CSMD1: variants seen among roughly 807,000 people sequenced by gnomAD.
The protein encoded by CSMD1 is CUB and sushi domain-containing protein 1.
In CSMD1, 213 loss-of-function variants were observed where a neutral mutation model predicts 417.5. The observed-to-expected ratio is 0.51, with a 90% CI of 0.46 to 0.57. The LOEUF (loss-of-function observed/expected upper bound fraction) is 0.57, where lower values mean the gene tolerates loss of function less well. CSMD1 is among the 20% of genes least tolerant of loss of function. The pLI, the probability that CSMD1 is intolerant of heterozygous loss-of-function variation, is 0.00. For synonymous variants in CSMD1, 2,862 were observed against 1,736.8 expected (o/e 1.65, Z -16.11); for missense variants, 6,923 against 4,529.7 (o/e 1.53, Z -15.17).
chr8:3,484,041 T>G (rs890236495), intron 11 of CSMD1, among the ~76,000 whole-genome samples: 4 of 152,190 alleles, frequency 2.6e-5, no homozygotes, highest in African/African-American at 9.6e-5. Context: ...CCCAGCAATG[T>G]TTTTATACAT....
At chr8:3,962,094 C>T (rs1812369610) in intron 5 of CSMD1, among the ~76,000 whole-genome samples, 2 of 152,314 alleles carry the variant, frequency 1.3e-5, no homozygotes, top group Middle Eastern at 3.4e-3. Context: ...TGAGCTTGGA[C>T]TCAGACCCAG....
At chr8:2,940,871 A>G (rs1408921904) in intron 69 of CSMD1, among the ~76,000 whole-genome samples, 1 of 152,206 alleles carries the variant, frequency 6.6e-6, no homozygotes, top group Non-Finnish European at 1.5e-5. Context: ...ATAAATTTGT[A>G]GGAATTGTAA....
intron 1 of CSMD1, among the ~76,000 whole-genome samples, chr8:4,865,848 G>T (rs1245744609): frequency 6.6e-6 from 1 of 151,492 alleles, no homozygotes. Flanking sequence ...ATGCATTTTG[G>T]GACCTATTTT....
At chr8:4,918,800 C>T (rs1245020274) in intron 1 of CSMD1, among the ~76,000 whole-genome samples, 1 of 152,062 alleles carries the variant, frequency 6.6e-6, no homozygotes, top group Non-Finnish European at 1.5e-5. Flanking sequence ...TATATAAACA[C>T]ACTTGTGAAT....
chr8:3,883,718 G>C (rs573841149), intron 5 of CSMD1, among the ~76,000 whole-genome samples: 1 of 152,034 alleles, frequency 6.6e-6, no homozygotes, highest in Admixed American at 6.6e-5. Context: ...ATGATTTATG[G>C]CTTGAAAGTG....
chr8:3,015,421 T>C (rs1490955040), intron 52 of CSMD1, among the ~76,000 whole-genome samples: 1 of 151,494 alleles, frequency 6.6e-6, no homozygotes. Flanking sequence ...GTTTTGGGGG[T>C]TGTTTTGTTT....
chr8:4,420,297 ATACT>A (rs1187930697), intron 2 of CSMD1, among the ~76,000 whole-genome samples: 3 of 152,138 alleles, frequency 2.0e-5, no homozygotes, highest in South Asian at 2.1e-4. Context: ...CTTCTTGAAA[ATACT>A]TACTTATATA....
At chr8:4,893,274 G>A (rs1804248188) in intron 1 of CSMD1, among the ~76,000 whole-genome samples, 2 of 152,026 alleles carry the variant, frequency 1.3e-5, no homozygotes, top group South Asian at 2.1e-4. Flanking sequence ...TCTAACTGAT[G>A]TTTTTCTTGA....
At chr8:4,050,237 A>T (rs1046298456) in intron 3 of CSMD1, among the ~76,000 whole-genome samples, 2 of 152,050 alleles carry the variant, frequency 1.3e-5, no homozygotes, top group African/African-American at 2.4e-5. Context: ...CTCCACTATA[A>T]ACTTCTGTAT....
chr8:3,899,230 A>C (rs141119708), intron 5 of CSMD1, among the ~76,000 whole-genome samples: 3,384 of 152,274 alleles, frequency 0.022, 65 homozygotes, highest in South Asian at 0.052. Context: ...AGAGCACAGG[A>C]AAGTTGGCAC....
At chr8:4,552,064 G>A (rs1203672993) in intron 2 of CSMD1, among the ~76,000 whole-genome samples, 1 of 152,116 alleles carries the variant, frequency 6.6e-6, no homozygotes, top group Non-Finnish European at 1.5e-5. Context: ...TCAAATTATT[G>A]TCAATTGAAT....
At position 4,463,504 on chromosome 8, in the gene CSMD1, A is replaced by C. The variant is rs1217665; in HGVS notation, c.303-43439T>G. 5.3e-3 allele frequency among the ~76,000 whole-genome samples: 810 copies of C among 152,352 alleles called. 6 individuals carry two copies. Among genetic ancestry groups the C allele is most frequent in the African/African-American group, 0.018 (768 of 41,584 alleles). On this transcript the variant is annotated intron_variant, in intron 2 of 69. Transcript: ENST00000635120. ...ATTCATAATTGCAAAAAGTGGAAACAATACAAATGTCAGTCAACCGATGAA... is the reference window on the plus strand; with the variant it reads ...ATTCATAATTGCAAAAAGTGGAAACCATACAAATGTCAGTCAACCGATGAA...
At chr8:3,507,837 A>C (rs772644139) in intron 10 of CSMD1, among the ~76,000 whole-genome samples, 1 of 152,030 alleles carries the variant, frequency 6.6e-6, no homozygotes, top group African/African-American at 2.4e-5. Context: ...TCCTTTGCCC[A>C]CTTTTTGATG....
chr8:3,167,026 C>T (rs1217301167), intron 37 of CSMD1, among the ~76,000 whole-genome samples: 3 of 152,140 alleles, frequency 2.0e-5, no homozygotes, highest in African/African-American at 7.2e-5. Context: ...GTGGCTCACG[C>T]CTGTCATCCC....
intron 18 of CSMD1, among the ~76,000 whole-genome samples, chr8:3,385,802 C>A (rs1810970583): frequency 1.3e-5 from 2 of 151,976 alleles, no homozygotes; most frequent in African/African-American, 4.8e-5. Flanking sequence ...CACAGGTTTT[C>A]ACCTCTTTCA....
chr8:4,528,312 A>G (rs1193757920), intron 2 of CSMD1, among the ~76,000 whole-genome samples: 6 of 152,188 alleles, frequency 3.9e-5, no homozygotes, highest in African/African-American at 1.2e-4. Flanking sequence ...CAGCAACAAC[A>G]AAAGTTATTT....
intron 2 of CSMD1, among the ~76,000 whole-genome samples, chr8:4,556,840 T>C (rs539979562): frequency 1.3e-5 from 2 of 152,268 alleles, no homozygotes; most frequent in African/African-American, 2.4e-5. Context: ...CACTTAGGAT[T>C]TGGGATGTGT....
chr8:3,950,016 C>A (rs1226515829), intron 5 of CSMD1: 1 of 455,814 alleles, frequency 2.2e-6, no homozygotes, highest in South Asian at 1.5e-5. Context: ...CCAGGGTCCA[C>A]GGCATTTCCT....
At chr8:3,507,631 A>T (rs1351038801) in intron 10 of CSMD1, among the ~76,000 whole-genome samples, 3 of 152,204 alleles carry the variant, frequency 2.0e-5, no homozygotes, top group Non-Finnish European at 4.4e-5. Context: ...ACAGTGTAAA[A>T]GTGTTCCTAT....
Sources: gnomAD v4.1 joint callset for allele counts (sites outside exome capture counted in the v4.1 genomes callset) on GRCh38, gnomAD v4.1.1 for gene constraint, MANE v1.5 for transcripts, NCBI Gene and HGNC (gene_info 2026-07-23, HGNC 2026-07-21) for gene names.